Variants in HCRTR2 observed in about 807,000 individuals in gnomAD.
HCRTR2 encodes the protein orexin receptor type 2.
A neutral mutation model predicts 49.0 loss-of-function variants in HCRTR2; 22 were observed. That is an observed-to-expected ratio of 0.45 (90% CI 0.32 to 0.64). The LOEUF (loss-of-function observed/expected upper bound fraction) is 0.64, where lower values mean the gene tolerates loss of function less well. HCRTR2 is among the 30% of genes least tolerant of loss of function. HCRTR2 has a pLI of 0.04. For synonymous variants in HCRTR2, 236 were observed against 205.3 expected (o/e 1.15, Z -1.28); for missense variants, 491 against 559.4 (o/e 0.88, Z 1.23).
At chr6:55,150,982 C>T (rs933481404) in intron 1 of HCRTR2, among the ~76,000 whole-genome samples, 8 of 152,008 alleles carry the variant, frequency 5.3e-5, no homozygotes, top group African/African-American at 1.7e-4. Context: ...ATACTGTAGT[C>T]TACTTAGTGA....
At chr6:55,278,402 A>T (rs1002827489) in intron 5 of HCRTR2, among the ~76,000 whole-genome samples, 8 of 152,108 alleles carry the variant, frequency 5.3e-5, no homozygotes. Flanking sequence ...TGCTCCTCTC[A>T]CTTTGGCCTG....
chr6:55,235,484 T>C (rs1766196971), intron 1 of HCRTR2, among the ~76,000 whole-genome samples: 1 of 152,148 alleles, frequency 6.6e-6, no homozygotes. Flanking sequence ...TCTTTTGATA[T>C]ACCCTAATTT....
intron 1 of HCRTR2, among the ~76,000 whole-genome samples, chr6:55,247,109 G>A (rs926762445): frequency 1.3e-5 from 2 of 151,926 alleles, no homozygotes; most frequent in African/African-American, 2.4e-5. Flanking sequence ...CTGTGATAAT[G>A]TGTATGTCAA....
At chr6:55,227,148 T>C (rs1286743848) in intron 1 of HCRTR2, among the ~76,000 whole-genome samples, 2 of 152,154 alleles carry the variant, frequency 1.3e-5, no homozygotes, top group East Asian at 3.9e-4. Flanking sequence ...TTTTAATCCA[T>C]GTGTTACAGT....
intron 1 of HCRTR2, among the ~76,000 whole-genome samples, chr6:55,145,060 T>C (rs913595810): frequency 2.0e-5 from 3 of 152,290 alleles, no homozygotes; most frequent in African/African-American, 7.2e-5. Context: ...TTACCGCCCT[T>C]CCCAGTCATA....
chr6:55,244,999 T>A lies in HCRTR2; in HGVS notation c.224-3640T>A, dbSNP rs916876596. On this transcript the variant is annotated intron_variant, in intron 1 of 6. Transcript: ENST00000370862. ...TATGTGGTTTTATTTCTGGGTTTTC[T>A]ATTATGTTCTATTGATCTATATGTC... is the stretch of plus-strand genomic sequence containing the variant. Among the ~76,000 whole-genome samples, 4 of 152,224 alleles carry A rather than the reference T, an allele frequency of 2.6e-5. No homozygotes were observed. In the East Asian group the frequency reaches 7.7e-4, roughly 29 times the overall value.
chr6:55,179,252 C>T (rs564779294), intron 1 of HCRTR2, among the ~76,000 whole-genome samples: 5 of 151,962 alleles, frequency 3.3e-5, no homozygotes, highest in African/African-American at 1.2e-4. Flanking sequence ...ACACAGGAAG[C>T]AAAAAGGGGT....
chr6:55,156,897 A>G (rs1257885302), intron 1 of HCRTR2, among the ~76,000 whole-genome samples: 1 of 152,194 alleles, frequency 6.6e-6, no homozygotes, highest in Non-Finnish European at 1.5e-5. Context: ...AACTTTACAA[A>G]GAACATCTAC....
chr6:55,221,562 C>T (rs997944712), intron 1 of HCRTR2, among the ~76,000 whole-genome samples: 3 of 152,068 alleles, frequency 2.0e-5, no homozygotes, highest in Non-Finnish European at 2.9e-5. Flanking sequence ...GCCTGTAATC[C>T]CAGCACTTTG....
intron 4 of HCRTR2, among the ~76,000 whole-genome samples, chr6:55,265,229 C>T (rs1473673063): frequency 1.3e-5 from 2 of 152,122 alleles, no homozygotes; most frequent in African/African-American, 4.8e-5. Flanking sequence ...TCTCAGCACT[C>T]TCCACCTCCC....
In HCRTR2 at chr6:55,245,469, T is replaced by TATA. The variant is rs1562020342; in HGVS notation, c.224-3170_224-3169insATA. Among the ~76,000 whole-genome samples, 354 of 56,756 alleles carry TATA rather than the reference T, an allele frequency of 6.2e-3. 12 individuals are homozygous for TATA. The highest frequency in any genetic ancestry group is 7.4e-3 in the Non-Finnish European group (195 of 26,360). The allele number at this position is 56,756 out of a possible 152,430, so 37.2% of individuals were successfully genotyped here. ...TACACATAGAATACATAGGAAGATT[T>TATA]TATATATATATATATATATATATAT... On this transcript the variant is annotated intron_variant, in intron 1 of 6. Transcript: ENST00000370862.
intron 5 of HCRTR2, among the ~76,000 whole-genome samples, chr6:55,278,199 GC>G (rs1767116360): frequency 1.3e-5 from 2 of 152,188 alleles, no homozygotes; most frequent in South Asian, 4.1e-4. Flanking sequence ...TATGCTATTT[GC>G]TACAATGCAG....
intron 4 of HCRTR2, among the ~76,000 whole-genome samples, chr6:55,270,683 A>C (rs1019143402): frequency 1.3e-5 from 2 of 152,206 alleles, no homozygotes; most frequent in African/African-American, 4.8e-5. Flanking sequence ...TTTAAAGACT[A>C]TTTGTATTGG....
chr6:55,226,198 C>A (rs1766001141), intron 1 of HCRTR2, among the ~76,000 whole-genome samples: 1 of 152,240 alleles, frequency 6.6e-6, no homozygotes, highest in Non-Finnish European at 1.5e-5. Context: ...TCCCCTCCCA[C>A]TTTCTCTTTG....
chr6:55,244,391 C>A (rs9475214), intron 1 of HCRTR2, among the ~76,000 whole-genome samples: 5 of 151,674 alleles, frequency 3.3e-5, no homozygotes, highest in Middle Eastern at 3.4e-3. Flanking sequence ...ACAGGCACAA[C>A]GCATGGGGAA....
rs1311330557 is a variant in HCRTR2, at chr6:55,208,324, A to AT, written c.223+33514_223+33515insT. 1.3e-3 allele frequency among the ~76,000 whole-genome samples: 180 copies of AT among 140,500 alleles called. No homozygotes were observed. In the East Asian group the frequency reaches 0.014, roughly 11 times the overall value. 92.2% of individuals were successfully genotyped at this position (140,500 alleles called of 152,430 possible). Reference sequence around the variant, plus strand: ...AAAACAGTCTCTACGAAAAATAAAAAAATAAAAAAAAAAAAAAAATAGCCA... The same window carrying AT: ...AAAACAGTCTCTACGAAAAATAAAAATAATAAAAAAAAAAAAAAAATAGCCA... On this transcript the variant is annotated intron_variant, in intron 1 of 6. Transcript: ENST00000370862.
chr6:55,223,277 T>A (rs930392176), intron 1 of HCRTR2, among the ~76,000 whole-genome samples: 96 of 152,174 alleles, frequency 6.3e-4, no homozygotes, highest in Non-Finnish European at 7.2e-4. Context: ...ATTAGGTTGA[T>A]CAATTCTGTG....
Position 55,282,501 on chromosome 6 carries a change from T to TA in HCRTR2, c.*51dup. Reference sequence around the variant, plus strand: ...GATACCTGAGTAAAACTATCCTTTTTAAAATCACTGGGAACAGAAATTTTA... The same window carrying TA: ...GATACCTGAGTAAAACTATCCTTTTTAAAAATCACTGGGAACAGAAATTTTA... On this transcript the variant is annotated 3_prime_UTR_variant, in exon 7 of 7. Transcript: ENST00000370862. 9.7e-7 allele frequency: 1 copy of TA among 1,026,746 alleles called. No individual in the cohort carries two copies. The highest frequency in any genetic ancestry group is 1.5e-6 in the Non-Finnish European group (1 of 664,498). 63.6% of individuals were successfully genotyped at this position (1,026,746 alleles called of 1,614,324 possible). A position where few individuals can be genotyped will look rare whatever the true frequency, so the allele number is the denominator to read the frequency against.
At chr6:55,157,045 T>TA (rs1321917623) in intron 1 of HCRTR2, among the ~76,000 whole-genome samples, 3 of 152,110 alleles carry the variant, frequency 2.0e-5, no homozygotes, top group African/African-American at 7.2e-5. Flanking sequence ...AATTAATCAT[T>TA]AAAAAAAGGC....
Sources: allele counts gnomAD v4.1 joint callset (sites outside exome capture counted in the v4.1 genomes callset), GRCh38; gene constraint gnomAD v4.1.1; transcripts MANE v1.5; gene names NCBI Gene and HGNC (gene_info 2026-07-23, HGNC 2026-07-21).